Variants in NAALADL2 observed in about 807,000 individuals in gnomAD.
NAALADL2 encodes the protein N-acetylated alpha-linked acidic dipeptidase like 2, also known as inactive N-acetylated-alpha-linked acidic dipeptidase-like protein 2.
A neutral mutation model predicts 87.2 loss-of-function variants in NAALADL2; 76 were observed. That is an observed-to-expected ratio of 0.87 (90% CI 0.72 to 1.05). The LOEUF is 1.05. Ranked by LOEUF, NAALADL2 falls within the 50% of genes least tolerant of loss-of-function variation. NAALADL2 has a pLI of 0.00. For synonymous variants in NAALADL2, 354 were observed against 331.0 expected (o/e 1.07, Z -0.75); for missense variants, 1,089 against 945.8 (o/e 1.15, Z -1.99).
intron 1 of NAALADL2, among the ~76,000 whole-genome samples, chr3:174,965,744 C>T (rs1211706446): frequency 6.6e-6 from 1 of 151,824 alleles, no homozygotes; most frequent in African/African-American, 2.4e-5. Context: ...TGTCTTTCAG[C>T]GAAATCAGAG....
chr3:174,820,883 A>C (rs1200253397), intron 3 of NAALADL2, among the ~76,000 whole-genome samples: 1 of 152,052 alleles, frequency 6.6e-6, no homozygotes, highest in Non-Finnish European at 1.5e-5. Context: ...CTAATTTTGC[A>C]TTTGAAATTT....
intron 3 of NAALADL2, among the ~76,000 whole-genome samples, chr3:174,854,216 A>G (rs1560289029): frequency 6.6e-6 from 1 of 152,194 alleles, no homozygotes; most frequent in Non-Finnish European, 1.5e-5. Context: ...AGAATGAAAT[A>G]ATATCTTTTG....
chr3:174,988,750 A>T (rs1199980062), intron 1 of NAALADL2, among the ~76,000 whole-genome samples: 1 of 152,136 alleles, frequency 6.6e-6, no homozygotes, highest in Non-Finnish European at 1.5e-5. Context: ...CCTCCTTATA[A>T]GAAAATCAGT....
intron 2 of NAALADL2, among the ~76,000 whole-genome samples, chr3:174,581,894 A>G (rs1455219820): frequency 6.6e-6 from 1 of 152,224 alleles, no homozygotes. Context: ...TGCTTCTTTG[A>G]ATAACTGTTA....
chr3:174,727,100 G>T (rs1445483570), intron 2 of NAALADL2, among the ~76,000 whole-genome samples: 1 of 151,638 alleles, frequency 6.6e-6, no homozygotes, highest in Non-Finnish European at 1.5e-5. Context: ...ATTTTTATTT[G>T]AATATTTCTT....
chr3:175,497,601 A>G (rs1428572860), intron 9 of NAALADL2, among the ~76,000 whole-genome samples: 2 of 152,150 alleles, frequency 1.3e-5, no homozygotes, highest in African/African-American at 4.8e-5. Context: ...ATGACTGACA[A>G]TAGATAGATT....
At chr3:174,975,685 T>C (rs1744273599) in intron 1 of NAALADL2, among the ~76,000 whole-genome samples, 1 of 151,798 alleles carries the variant, frequency 6.6e-6, no homozygotes, top group Non-Finnish European at 1.5e-5. Flanking sequence ...CTGGAAAGAG[T>C]CTTTCCTTCT....
chr3:174,627,913 A>T (rs1466830091), intron 2 of NAALADL2, among the ~76,000 whole-genome samples: 1 of 152,202 alleles, frequency 6.6e-6, no homozygotes, highest in Non-Finnish European at 1.5e-5. Flanking sequence ...ACAGAGTGGA[A>T]TAATAAACAC....
At chr3:175,633,588 A>G (rs552900517) in intron 11 of NAALADL2, among the ~76,000 whole-genome samples, 4 of 152,022 alleles carry the variant, frequency 2.6e-5, no homozygotes, top group African/African-American at 7.2e-5. Context: ...TATATATAAA[A>G]ATCTCTGAAT....
At chr3:174,979,570 G>C (rs546541458) in intron 1 of NAALADL2, among the ~76,000 whole-genome samples, 1 of 151,902 alleles carries the variant, frequency 6.6e-6, no homozygotes, top group Non-Finnish European at 1.5e-5. Flanking sequence ...CTCCCAAAGT[G>C]CTGGGATTAC....
intron 9 of NAALADL2, among the ~76,000 whole-genome samples, chr3:175,568,457 C>G (rs1717560157): frequency 6.6e-6 from 1 of 152,128 alleles, no homozygotes; most frequent in Admixed American, 6.5e-5. Context: ...AAAAAGGACA[C>G]ATTTAGAAGT....
intron 2 of NAALADL2, among the ~76,000 whole-genome samples, chr3:174,611,239 A>G (rs558185012): frequency 1.8e-4 from 28 of 152,166 alleles, no homozygotes; most frequent in East Asian, 5.8e-4. Context: ...TGGGTGCAGC[A>G]CACCAGTATG....
rs143675208 is a variant in NAALADL2, at chr3:175,157,932, A to C, written c.545+60641A>C. Among the ~76,000 whole-genome samples, 804 of 152,226 alleles carry C rather than the reference A, an allele frequency of 5.3e-3. 7 individuals are homozygous for C. Among genetic ancestry groups the C allele is most frequent in the African/African-American group, 0.019 (774 of 41,564 alleles). ...AATTTATCAAAATCTAATTTTCCTG[A>C]AAAAATAAAATTAAAAGTTCATTCT... On this transcript the variant is annotated intron_variant, in intron 2 of 13. Coordinates refer to ENST00000454872, the MANE Select transcript of NAALADL2 (RefSeq NM_207015.3).
At chr3:175,474,372 GA>G (rs1251754543) in intron 9 of NAALADL2, among the ~76,000 whole-genome samples, 1 of 152,112 alleles carries the variant, frequency 6.6e-6, no homozygotes, top group Non-Finnish European at 1.5e-5. Context: ...TTACAAGCTT[GA>G]TATGAAACAA....
chr3:174,977,043 A>T (rs1252129653), intron 1 of NAALADL2, among the ~76,000 whole-genome samples: 13 of 152,174 alleles, frequency 8.5e-5, no homozygotes, highest in Non-Finnish European at 1.9e-4. Context: ...GATGGTGGGC[A>T]ATTTTATAGA....
intron 1 of NAALADL2, among the ~76,000 whole-genome samples, chr3:174,995,569 A>G (rs1313250516): frequency 6.6e-6 from 1 of 152,158 alleles, no homozygotes; most frequent in Non-Finnish European, 1.5e-5. Context: ...TTCATCACAT[A>G]ATTTTCTGAC....
intron 11 of NAALADL2, among the ~76,000 whole-genome samples, chr3:175,643,516 A>T (rs1302067609): frequency 6.6e-6 from 1 of 152,240 alleles, no homozygotes; most frequent in Non-Finnish European, 1.5e-5. Context: ...AAGGAAGAAC[A>T]CTATCTTGAC....
chr3:175,202,295 C>A (rs535243454), intron 2 of NAALADL2, among the ~76,000 whole-genome samples: 9 of 152,234 alleles, frequency 5.9e-5, no homozygotes, highest in African/African-American at 2.2e-4. Flanking sequence ...CCAGACAAGG[C>A]AGTTCTGTTG....
rs879788427 is a variant in NAALADL2, at chr3:175,537,516, G to A, written c.1654-38525G>A. ...GGTTTAGTGTTCTCTTATACAAATA[G>A]CAACATTAATTAACAAATATAAAAT... On this transcript the variant is annotated intron_variant, in intron 9 of 13. Coordinates refer to ENST00000454872, the MANE Select transcript of NAALADL2 (RefSeq NM_207015.3). Among the ~76,000 whole-genome samples, 32 of 152,184 alleles carry A rather than the reference G, an allele frequency of 2.1e-4. 1 individual carries two copies. Among genetic ancestry groups the A allele is most frequent in the South Asian group, 1.2e-3 (6 of 4,824 alleles).
Sources: allele counts gnomAD v4.1 joint callset (sites outside exome capture counted in the v4.1 genomes callset), GRCh38; gene constraint gnomAD v4.1.1; transcripts MANE v1.5; gene names NCBI Gene and HGNC (gene_info 2026-07-23, HGNC 2026-07-21).